Variants in CSGALNACT1 observed in about 807,000 individuals in gnomAD.
CSGALNACT1 encodes the protein chondroitin sulfate N-acetylgalactosaminyltransferase 1, also known as beta4GalNAcT-1.
Under a neutral mutation model 51.0 loss-of-function variants are expected in CSGALNACT1, and 52 were observed. The ratio of observed to expected loss-of-function variants is 1.02; its 90% confidence interval spans 0.82 to 1.29. The LOEUF is 1.29. Among genes scored for constraint, CSGALNACT1 ranks in the 50% most tolerant of loss-of-function variants. CSGALNACT1 has a pLI of 0.00. For synonymous variants in CSGALNACT1, 341 were observed against 254.4 expected, an observed-to-expected ratio of 1.34 and a Z score of -3.24; for missense variants, 935 against 679.2, an observed-to-expected ratio of 1.38 and a Z score of -4.19.
At chr8:19,508,196 T>C (rs1268477981) in intron 3 of CSGALNACT1, among the ~76,000 whole-genome samples, 1 of 152,188 alleles carries the variant, frequency 6.6e-6, no homozygotes, top group African/African-American at 2.4e-5. Flanking sequence ...GAGAGAGATG[T>C]TCCTCTCAAA....
intron 1 of CSGALNACT1, among the ~76,000 whole-genome samples, chr8:19,748,028 A>G (rs1589810681): frequency 6.6e-6 from 1 of 150,468 alleles, no homozygotes; most frequent in East Asian, 1.9e-4. Context: ...TCCCTTGTTC[A>G]CCCATTATGT....
At chr8:19,744,302 C>T (rs2064506104) in intron 1 of CSGALNACT1, among the ~76,000 whole-genome samples, 1 of 152,234 alleles carries the variant, frequency 6.6e-6, no homozygotes, top group African/African-American at 2.4e-5. Context: ...GTCCTGTCCT[C>T]ATGCTCAGCG....
intron 1 of CSGALNACT1, among the ~76,000 whole-genome samples, chr8:19,740,188 G>A (rs1009823521): frequency 1.7e-4 from 26 of 152,148 alleles, no homozygotes; most frequent in Admixed American, 1.7e-3. Context: ...TCCCACCTGG[G>A]CCACATCTGG....
At chr8:19,494,022 C>A (rs1381940554) in intron 4 of CSGALNACT1, among the ~76,000 whole-genome samples, 2 of 152,104 alleles carry the variant, frequency 1.3e-5, no homozygotes, top group African/African-American at 2.4e-5. Flanking sequence ...ATCCGAGTGA[C>A]CCAGCTAGAA....
intron 1 of CSGALNACT1, among the ~76,000 whole-genome samples, chr8:19,611,011 C>T (rs1385776006): frequency 6.6e-6 from 1 of 152,190 alleles, no homozygotes. Flanking sequence ...CTTTGAGCAG[C>T]GGGGCACTGA....
chr8:19,626,316 C>A (rs1338576476), intron 1 of CSGALNACT1, among the ~76,000 whole-genome samples: 1 of 151,890 alleles, frequency 6.6e-6, no homozygotes, highest in Non-Finnish European at 1.5e-5. Flanking sequence ...TAAAAAGCAA[C>A]TGAATGGAGG....
intron 3 of CSGALNACT1, among the ~76,000 whole-genome samples, chr8:19,559,569 A>C (rs891601498): frequency 2.6e-5 from 4 of 152,212 alleles, no homozygotes; most frequent in African/African-American, 4.8e-5. Context: ...ATCCAAATAC[A>C]TTCACAGATA....
chr8:19,410,922 G>T (rs1025983634), intron 8 of CSGALNACT1, among the ~76,000 whole-genome samples: 2 of 152,208 alleles, frequency 1.3e-5, no homozygotes, highest in Admixed American at 6.5e-5. Flanking sequence ...GGAAGGACGC[G>T]CTCAATAGCA....
At chr8:19,675,262 G>A (rs1278121888) in intron 1 of CSGALNACT1, among the ~76,000 whole-genome samples, 1 of 152,172 alleles carries the variant, frequency 6.6e-6, no homozygotes, top group African/African-American at 2.4e-5. Flanking sequence ...GATGTAGAGA[G>A]GAGTCAAATG....
intron 4 of CSGALNACT1, among the ~76,000 whole-genome samples, chr8:19,460,937 G>T (rs1181704657): frequency 6.6e-6 from 1 of 152,104 alleles, no homozygotes; most frequent in Non-Finnish European, 1.5e-5. Flanking sequence ...GAGTTTCCAA[G>T]GTAGTCTCGT....
At chr8:19,627,338 C>T (rs1004454644) in intron 1 of CSGALNACT1, among the ~76,000 whole-genome samples, 1 of 152,074 alleles carries the variant, frequency 6.6e-6, no homozygotes, top group African/African-American at 2.4e-5. Context: ...ACTGACGGAG[C>T]ATGGATGGAT....
At chr8:19,697,537 C>T (rs2061645223) in intron 1 of CSGALNACT1, among the ~76,000 whole-genome samples, 1 of 152,108 alleles carries the variant, frequency 6.6e-6, no homozygotes, top group Non-Finnish European at 1.5e-5. Flanking sequence ...AGAGCTAAAA[C>T]AGAAGAAAAG....
chr8:19,430,296 C>G (rs1014879914), intron 6 of CSGALNACT1, among the ~76,000 whole-genome samples: 1 of 152,156 alleles, frequency 6.6e-6, no homozygotes, highest in African/African-American at 2.4e-5. Context: ...AGACTTACAC[C>G]TATGTTTTCT....
At chr8:19,525,971 T>G (rs1319152270) in intron 3 of CSGALNACT1, among the ~76,000 whole-genome samples, 1 of 152,146 alleles carries the variant, frequency 6.6e-6, no homozygotes, top group Non-Finnish European at 1.5e-5. Context: ...CATTTACCAT[T>G]CCATTTTATC....
chr8:19,640,252 G>A (rs750009004), intron 1 of CSGALNACT1, among the ~76,000 whole-genome samples: 2 of 152,148 alleles, frequency 1.3e-5, no homozygotes, highest in African/African-American at 4.8e-5. Flanking sequence ...CTCACTTTAT[G>A]AAATGTATTT....
At chr8:19,418,983 A>G (rs990468911) in intron 7 of CSGALNACT1, among the ~76,000 whole-genome samples, 2 of 152,008 alleles carry the variant, frequency 1.3e-5, no homozygotes, top group East Asian at 1.9e-4. Flanking sequence ...AGTAGCTGAG[A>G]TTACAGGTGC....
intron 3 of CSGALNACT1, among the ~76,000 whole-genome samples, chr8:19,565,051 C>A (rs949086299): frequency 2.6e-5 from 4 of 152,076 alleles, no homozygotes; most frequent in Non-Finnish European, 5.9e-5. Context: ...CTGAAAGTGC[C>A]CACTATATTA....
intron 3 of CSGALNACT1, among the ~76,000 whole-genome samples, chr8:19,588,666 G>C (rs1470972110): frequency 1.3e-5 from 2 of 152,122 alleles, no homozygotes; most frequent in South Asian, 2.1e-4. Flanking sequence ...TCTAGATCTA[G>C]GAATCCAAAT....
At chr8:19,678,842 GCAGGTAAGAC>G (rs780030097) in intron 1 of CSGALNACT1, 1 of 152,174 alleles carries the variant, frequency 6.6e-6, no homozygotes, top group Non-Finnish European at 1.5e-5. Flanking sequence ...GTGACACCAA[GCAGGTAAGAC>G]CAGGAAGCCC....
Sources: gnomAD v4.1 joint callset for allele counts (sites outside exome capture counted in the v4.1 genomes callset) on GRCh38, gnomAD v4.1.1 for gene constraint, MANE v1.5 for transcripts, NCBI Gene and HGNC (gene_info 2026-07-23, HGNC 2026-07-21) for gene names.